The following MED23 variants were observed in gnomAD, a reference collection of about 807,000 sequenced individuals.
The protein encoded by MED23 is mediator complex subunit 23, also known as mediator of RNA polymerase II transcription subunit 23.
MED23 carries 105 observed loss-of-function variants against 163.9 expected under a neutral mutation model. The observed-to-expected ratio is 0.64, with a 90% CI of 0.55 to 0.75. The LOEUF is 0.75. Among genes scored for constraint, MED23 ranks in the 30% least tolerant of loss-of-function variants. The probability of loss-of-function intolerance (pLI) is 0.00; values close to 1 mark genes in which losing one functional copy is unlikely to be tolerated. For missense variants in MED23, 1,054 were observed against 1,649.0 expected (o/e 0.64, Z 6.25); for synonymous variants, 561 against 565.6 (o/e 0.99, Z 0.12).
rs530409317 is a variant in MED23, at chr6:131,577,071, C to T, written c.4096-2776G>A. ...GGTGCAGCAGGAAGTATGCTACTAG[C>T]AAGAGGACCCCTATTTGTGAAATAA... On this transcript the variant is annotated intron_variant, in intron 30 of 30. Coordinates refer to the MED23 transcript ENST00000354577. Among the ~76,000 whole-genome samples the T allele has an allele frequency of 5.9e-5, 9 of 152,200 alleles. No homozygotes were observed. The South Asian group carries it at 1.9e-3, about 32-fold the overall frequency.
chr6:131,597,280 T>C (rs1007003579), intron 20 of MED23, among the ~76,000 whole-genome samples: 1 of 151,700 alleles, frequency 6.6e-6, no homozygotes, highest in African/African-American at 2.4e-5. Flanking sequence ...ATTGAGCCCA[T>C]CCTGGCTAAC....
downstream of MED23, among the ~76,000 whole-genome samples, chr6:131,586,015 T>C (rs1774162264): frequency 6.6e-6 from 1 of 152,194 alleles, no homozygotes; most frequent in Non-Finnish European, 1.5e-5. Flanking sequence ...AGCAATAAAT[T>C]CCTCAAGGCA....
rs1777604330 is a variant in MED23 at position 131,627,561 on chromosome 6, A to C, written c.72-78T>G. ...ACACAATCAGAATAGTGGATCTTAT[A>C]ACCTTCCAACACGAAACTAAGTAAA... On this transcript the variant is annotated intron_variant, in intron 2 of 28. Transcript: ENST00000368068. 3 of 1,590,482 alleles carry C rather than the reference A, an allele frequency of 1.9e-6. No individual in the cohort carries two copies. The East Asian group carries it at 6.7e-5, about 36-fold the overall frequency.
chr6:131,620,745 A>C lies in MED23; in HGVS notation c.496-16T>G. The C allele has an allele frequency of 6.7e-7, 1 of 1,490,532 alleles. No individual in the cohort carries two copies. The highest frequency in any genetic ancestry group is 9.4e-7 in the Non-Finnish European group (1 of 1,068,418). 92.3% of individuals were successfully genotyped at this position (1,490,532 alleles called of 1,614,324 possible). A position where few individuals can be genotyped will look rare whatever the true frequency, so the allele number is the denominator to read the frequency against. On this transcript the variant is annotated splice_polypyrimidine_tract_variant and intron_variant, in intron 6 of 28. Transcript: ENST00000368068. ...ATGCTATAACCTAAGAAAAACAAAAAGGCCACATCATTCTTGACTAGTCCC... is the reference window on the plus strand; with the variant it reads ...ATGCTATAACCTAAGAAAAACAAAACGGCCACATCATTCTTGACTAGTCCC...
At chr6:131,586,713 G>A (rs1374279585), downstream of MED23, 32 of 1,408,274 alleles carry the variant, frequency 2.3e-5, no homozygotes, top group African/African-American at 1.4e-4. Flanking sequence ...GCACACAGCC[G>A]ACACTCATTC....
rs370952319 is a variant in MED23 at position 131,599,999 on chromosome 6, T to C, written c.2220+39A>G. ...ACACCATTGTGAATGGGAAGAAGGA[T>C]TTCATGTGCATTCAATAAGTAATTC... is the stretch of plus-strand genomic sequence containing the variant. On this transcript the variant is annotated intron_variant, in intron 18 of 28. Coordinates refer to ENST00000368068, the MANE Select transcript of MED23 (RefSeq NM_004830.4). The C allele has an allele frequency of 2.5e-6, 4 of 1,610,586 alleles. No homozygotes were observed. In the African/African-American group the frequency reaches 5.3e-5, roughly 22 times the overall value.
chr6:131,576,777 C>CA, intron 30 of MED23: 1 of 1,546,854 alleles, frequency 6.5e-7, no homozygotes, highest in Non-Finnish European at 8.9e-7. Flanking sequence ...ATTTCCTCCC[C>CA]ACTCTGAAGG....
chr6:131,615,404 G>C, intron 10 of MED23: 1 of 1,445,542 alleles, frequency 6.9e-7, no homozygotes, highest in Non-Finnish European at 9.4e-7. Flanking sequence ...AAGAAAAAAA[G>C]AAAAGACAAA....
At chr6:131,621,826 C>T (rs1585567492) in intron 6 of MED23, 55 bp downstream of exon 6, 3 of 1,254,628 alleles carry the variant, frequency 2.4e-6, no homozygotes, top group Admixed American at 4.1e-5. Flanking sequence ...CAGACCTAAA[C>T]AAAGCTAGAC....
At chr6:131,620,953 C>T (rs529709421) in intron 6 of MED23, among the ~76,000 whole-genome samples, 17 of 152,106 alleles carry the variant, frequency 1.1e-4, no homozygotes, top group Admixed American at 3.3e-4. Flanking sequence ...TAGGTGTATG[C>T]CAGCAGGCCC....
chr6:131,583,923 G>T (rs1240654191), downstream of MED23: 1 of 1,612,710 alleles, frequency 6.2e-7, no homozygotes. Context: ...GGAAACATCC[G>T]ATATAAATCT....
chr6:131,596,109 C>CA lies in MED23; in HGVS notation c.2832dup (p.Val945CysfsTer24), dbSNP rs771485728. On this transcript the variant is annotated frameshift_variant, in exon 22 of 29. Coordinates refer to ENST00000368068, the MANE Select transcript of MED23 (RefSeq NM_004830.4). LOFTEE classifies it high-confidence loss of function. ...GGCAGATAGGGAGACTGGATCTGTACAGGAGGATCCACCTGTTCCGCGAGG... is the reference window on the plus strand; with the variant it reads ...GGCAGATAGGGAGACTGGATCTGTACAAGGAGGATCCACCTGTTCCGCGAGG... The CA allele has an allele frequency of 3.7e-6, 6 of 1,614,002 alleles. No homozygotes were observed. Among genetic ancestry groups the CA allele is most frequent in the African/African-American group, 2.7e-5 (2 of 74,920 alleles).
chr6:131,625,406 A>C lies in MED23; in HGVS notation c.160-417T>G, dbSNP rs140707742. ...TCAGGCTTAGGAGAATTAGGTGTGA[A>C]TCCAATCCCTAAGATCCCAAACAAG... is the stretch of plus-strand genomic sequence containing the variant. On this transcript the variant is annotated intron_variant, in intron 3 of 28. Transcript: ENST00000368068. Among the ~76,000 whole-genome samples the C allele has an allele frequency of 4.3e-4, 65 of 152,292 alleles. 2 individuals are homozygous for C. The highest frequency in any genetic ancestry group is 1.5e-3 in the African/African-American group (64 of 41,562).
At position 131,618,507 on chromosome 6, in the gene MED23, A is replaced by G. The variant is rs1489654489; in HGVS notation, c.680T>C (p.Leu227Pro). The change falls in exon 9 of 29, where the codon CTT becomes CCT. Residue 227 changes from leucine to proline, a missense_variant. Transcript: ENST00000368068. ...RINSICGRCSLLPVVNNSGAI... is the reference protein window; with the variant it reads ...RINSICGRCSPLPVVNNSGAI... ...ACCCGAATTATTTACAACTGGCAGAAGACTACAGCGACCTGTATGTATTAC... is the reference window on the plus strand; with the variant it reads ...ACCCGAATTATTTACAACTGGCAGAGGACTACAGCGACCTGTATGTATTAC... 1.2e-6 allele frequency: 2 copies of G among 1,612,722 alleles called. No homozygotes were observed. Among genetic ancestry groups the G allele is most frequent in the Non-Finnish European group, 1.7e-6 (2 of 1,178,842 alleles).
exon 31 of MED23, chr6:131,574,092 C>T: frequency 1.5e-6 from 1 of 667,574 alleles, no homozygotes; most frequent in Non-Finnish European, 2.7e-6. Context: ...CACACTTATT[C>T]TAGTAAAGAG....
chr6:131,611,052 C>A (rs1776244204), intron 10 of MED23, among the ~76,000 whole-genome samples: 1 of 152,006 alleles, frequency 6.6e-6, no homozygotes, highest in South Asian at 2.1e-4. Flanking sequence ...ATATGTTAAG[C>A]CATGTTTAAG....
At chr6:131,622,903 A>G (rs974342678) in intron 5 of MED23, among the ~76,000 whole-genome samples, 1 of 152,168 alleles carries the variant, frequency 6.6e-6, no homozygotes, top group Admixed American at 6.5e-5. Context: ...ACAAAACTAG[A>G]AAGTGTATGT....
At chr6:131,584,042 C>A, downstream of MED23, 3 of 971,604 alleles carry the variant, frequency 3.1e-6, no homozygotes, top group East Asian at 2.7e-5. Flanking sequence ...ATAAACTCTA[C>A]AAATTCCCTC....
intron 7 of MED23, among the ~76,000 whole-genome samples, 166 bp downstream of exon 7, chr6:131,620,462 G>A (rs964876550): frequency 5.3e-5 from 8 of 152,148 alleles, no homozygotes; most frequent in East Asian, 1.9e-4. Flanking sequence ...ATATGTGTGC[G>A]TGTGTTTTTT....
Sources: allele counts gnomAD v4.1 joint callset (sites outside exome capture counted in the v4.1 genomes callset), GRCh38; gene constraint gnomAD v4.1.1; transcripts MANE v1.5; gene names NCBI Gene and HGNC (gene_info 2026-07-23, HGNC 2026-07-21).